The following SGSM2 variants were observed in gnomAD, a reference collection of about 807,000 sequenced individuals.
SGSM2 encodes RUN and TBC1 domain containing 1.
In SGSM2, 89 loss-of-function variants were observed where a neutral mutation model predicts 126.6. The ratio of observed to expected loss-of-function variants is 0.70; its 90% CI spans 0.59 to 0.84. The LOEUF (loss-of-function observed/expected upper bound fraction) is 0.84. Ranked by LOEUF, SGSM2 falls within the 40% of genes least tolerant of loss-of-function variation. The probability of loss-of-function intolerance (pLI) is 0.00; values close to 1 mark genes in which losing one functional copy is unlikely to be tolerated. For synonymous variants in SGSM2, 614 were observed against 574.3 expected, an observed-to-expected ratio of 1.07 and a Z score of -0.99; for missense variants, 1,404 against 1,416.6, an observed-to-expected ratio of 0.99 and a Z score of 0.14.
At chr17:2,343,497 T>A (rs545574101) in intron 1 of SGSM2, 48 bp from the exon 2 acceptor site, 2 of 1,588,032 alleles carry the variant, frequency 1.3e-6, no homozygotes, top group South Asian at 2.2e-5. Context: ...CAGAGGTCTT[T>A]GATAAGGGAA....
rs1238352830 is a variant in SGSM2, at chr17:2,362,975, C to T, written c.527-14C>T. On this transcript the variant is annotated splice_polypyrimidine_tract_variant and intron_variant, in intron 5 of 23. Transcript: ENST00000268989. This position sits in a 1 kb window ranked among gnomAD's most constrained non-coding sequence, Gnocchi z 4.9. ...AGGGAGCATCGTCTGGGCTGGCTGT[C>T]TCTGTCTCCACAGTGGGACCCTGTG... 1.2e-6 allele frequency: 2 copies of T among 1,614,080 alleles called. No individual in the cohort carries two copies. The highest frequency in any genetic ancestry group is 1.1e-5 in the South Asian group (1 of 91,088).
In SGSM2 at chr17:2,362,977, C is replaced by G. The variant is rs780530208; in HGVS notation, c.527-12C>G. 2 of 1,614,096 alleles carry G rather than the reference C, an allele frequency of 1.2e-6. No homozygotes were observed. The highest frequency in any genetic ancestry group is 1.7e-5 in the Admixed American group (1 of 60,032). The stretch of plus-strand genomic sequence containing the variant: ...GGAGCATCGTCTGGGCTGGCTGTCT[C>G]TGTCTCCACAGTGGGACCCTGTGCC... On this transcript the variant is annotated splice_polypyrimidine_tract_variant and intron_variant, in intron 5 of 23. Coordinates refer to ENST00000268989, the MANE Select transcript of SGSM2 (RefSeq NM_014853.3). The surrounding 1 kb of genome is among the most constrained non-coding windows in gnomAD (Gnocchi z 4.9).
At chr17:2,354,354 T>C (rs2065003752) in intron 2 of SGSM2, among the ~76,000 whole-genome samples, 1 of 152,206 alleles carries the variant, frequency 6.6e-6, no homozygotes, top group Non-Finnish European at 1.5e-5. Flanking sequence ...AGCCAAGTTT[T>C]TTATACTAAT....
intron 2 of SGSM2, among the ~76,000 whole-genome samples, chr17:2,347,765 G>A (rs7213791): frequency 0.26 from 39,148 of 151,594 alleles, 5,403 homozygotes; most frequent in Admixed American, 0.36. Flanking sequence ...GCATACCACC[G>A]CCCGAGGTCC....
intron 1 of SGSM2, among the ~76,000 whole-genome samples, chr17:2,342,700 GAGCACAGTGGCTCACGCCTGTAATCCC>G (rs1269922914): frequency 2.6e-5 from 4 of 151,950 alleles, no homozygotes; most frequent in Non-Finnish European, 5.9e-5. Flanking sequence ...AGAAATGACT[GAGCACAGTGGCTCACGCCTGTAATCCC>G]AGCACTTTGG....
At chr17:2,361,220 T>G (rs986664246) in intron 2 of SGSM2, among the ~76,000 whole-genome samples, 6 of 152,234 alleles carry the variant, frequency 3.9e-5, no homozygotes, top group African/African-American at 1.2e-4. Flanking sequence ...TTTTAGCTCC[T>G]GCAGAGCCCT....
At position 2,380,076 on chromosome 17, in the gene SGSM2, G is replaced by A. The variant is rs1219865066; in HGVS notation, c.*556G>A. 3.5e-6 allele frequency: 5 copies of A among 1,409,418 alleles called. No homozygotes were observed. Among genetic ancestry groups the A allele is most frequent in the African/African-American group, 2.9e-5 (2 of 68,522 alleles). The allele number at this position is 1,409,418 out of a possible 1,614,324, so 87.3% of individuals were successfully genotyped here. A position where few individuals can be genotyped will look rare whatever the true frequency, so the allele number is the denominator to read the frequency against. On this transcript the variant is annotated 3_prime_UTR_variant, in exon 24 of 24. Transcript: ENST00000268989. ...GCACGGGAGACCCGGGCCGCCTTCA[G>A]GCCGCTCCCCCGAGATTCTGGGGCA...
At chr17:2,375,957 T>C in intron 18 of SGSM2, 82 bp downstream of exon 18, 1 of 1,511,222 alleles carries the variant, frequency 6.6e-7, no homozygotes. Flanking sequence ...GCTGGTGGGG[T>C]GGAAGGCGGG....
chr17:2,372,684 C>A lies in SGSM2; in HGVS notation c.1788+196C>A. On this transcript the variant is annotated intron_variant, in intron 15 of 23. Coordinates refer to ENST00000268989, the MANE Select transcript of SGSM2 (RefSeq NM_014853.3). This position sits in a 1 kb window ranked among gnomAD's most constrained non-coding sequence, Gnocchi z 6.0. ...AAGGGGGCTGGACTGGGAAGCCGTCCTGCCTCCACATCGCCCTGTGACCCT... is the reference window on the plus strand; with the variant it reads ...AAGGGGGCTGGACTGGGAAGCCGTCATGCCTCCACATCGCCCTGTGACCCT... 1 of 859,930 alleles carries A rather than the reference C, an allele frequency of 1.2e-6. No individual in the cohort carries two copies. The highest frequency in any genetic ancestry group is 1.8e-6 in the Non-Finnish European group (1 of 554,886). The allele number at this position is 859,930 out of a possible 1,614,324, so 53.3% of individuals were successfully genotyped here. A position where few individuals can be genotyped will look rare whatever the true frequency, so the allele number is the denominator to read the frequency against.
At position 2,367,146 on chromosome 17, in the gene SGSM2, C is replaced by A. The variant is rs2065627092; in HGVS notation, c.1289-125C>A. ...AGAGCTTTCTGGTCCCCTCCCTTCC[C>A]CTCTTCTGTGCCCTGCAGATTCACG... On this transcript the variant is annotated intron_variant, in intron 11 of 23. Coordinates refer to ENST00000268989, the MANE Select transcript of SGSM2 (RefSeq NM_014853.3). This position sits in a 1 kb window ranked among gnomAD's most constrained non-coding sequence, Gnocchi z 4.0. 3.5e-6 allele frequency: 4 copies of A among 1,127,094 alleles called. No homozygotes were observed. Among genetic ancestry groups the A allele is most frequent in the African/African-American group, 3.1e-5 (2 of 63,944 alleles). 69.8% of individuals were successfully genotyped at this position (1,127,094 alleles called of 1,614,324 possible).
chr17:2,363,019 T>G lies in SGSM2; in HGVS notation c.557T>G (p.Leu186Arg), dbSNP rs759108023. 1 of 1,613,896 alleles carries G rather than the reference T, an allele frequency of 6.2e-7. No individual in the cohort carries two copies. Among genetic ancestry groups the G allele is most frequent in the South Asian group, 1.1e-5 (1 of 91,082 alleles). Residue 186 changes from leucine to arginine, a missense_variant, in exon 6 of 24, where the codon CTC becomes CGC. By Grantham distance (102) the Leu-to-Arg change is moderately radical. Coordinates refer to ENST00000268989, the MANE Select transcript of SGSM2 (RefSeq NM_014853.3). The surrounding 1 kb of genome is among the most constrained non-coding windows in gnomAD (Gnocchi z 4.2). Reference protein sequence around the residue: ...VGPCALEYTKLKTADHYWTDP... With the variant: ...VGPCALEYTKRKTADHYWTDP... ...CCCTGTGCCTTGGAATACACTAAGCTCAAGACAGCCGATCACTACTGGACT... is the reference window on the plus strand; with the variant it reads ...CCCTGTGCCTTGGAATACACTAAGCGCAAGACAGCCGATCACTACTGGACT...
At chr17:2,361,037 C>T (rs2065286822) in intron 2 of SGSM2, among the ~76,000 whole-genome samples, 1 of 152,236 alleles carries the variant, frequency 6.6e-6, no homozygotes, top group African/African-American at 2.4e-5. Context: ...TTCTTTTCTT[C>T]CTGCAGGGTC....
intron 1 of SGSM2, among the ~76,000 whole-genome samples, chr17:2,343,166 G>A (rs1447481104): frequency 6.6e-6 from 1 of 152,126 alleles, no homozygotes; most frequent in Non-Finnish European, 1.5e-5. Flanking sequence ...GGGGCAGGTT[G>A]TTTATCTGCA....
chr17:2,362,048 C>G lies in SGSM2; in HGVS notation c.297-61C>G. The G allele has an allele frequency of 1.3e-6, 2 of 1,547,210 alleles. No homozygotes were observed. Among genetic ancestry groups the G allele is most frequent in the Non-Finnish European group, 1.7e-6 (2 of 1,150,192 alleles). ...GGGGTACCAAGCCCCACTCCCAATGCCAGCATTCTGGGGTTTACCCCTAGA... is the reference window on the plus strand; with the variant it reads ...GGGGTACCAAGCCCCACTCCCAATGGCAGCATTCTGGGGTTTACCCCTAGA... On this transcript the variant is annotated intron_variant, in intron 3 of 23. Coordinates refer to ENST00000268989, the MANE Select transcript of SGSM2 (RefSeq NM_014853.3). The surrounding 1 kb of genome is among the most constrained non-coding windows in gnomAD (Gnocchi z 4.9).
intron 12 of SGSM2, among the ~76,000 whole-genome samples, chr17:2,369,895 G>A (rs761926194): frequency 3.4e-4 from 52 of 152,122 alleles, no homozygotes; most frequent in Admixed American, 5.2e-4. Flanking sequence ...TCCCAGAGCC[G>A]CAGCCCCTCC....
At chr17:2,364,329 A>C in intron 8 of SGSM2, 146 bp downstream of exon 8, 1 of 1,095,274 alleles carries the variant, frequency 9.1e-7, no homozygotes, top group South Asian at 1.5e-5. Flanking sequence ...GGCTGCCTGG[A>C]GTGATTCCCA....
chr17:2,376,063 T>C (rs1483721331), intron 18 of SGSM2, 74 bp from the exon 19 acceptor site: 3 of 1,600,930 alleles, frequency 1.9e-6, no homozygotes, highest in African/African-American at 2.7e-5. Context: ...CTGCATTTCT[T>C]GGGGCGTCAC....
In SGSM2 at chr17:2,364,138, A is replaced by G. The variant is rs747194282; in HGVS notation, c.887A>G (p.Asn296Ser). 2.5e-6 allele frequency: 4 copies of G among 1,613,900 alleles called. No homozygotes were observed. The highest frequency in any genetic ancestry group is 1.7e-5 in the Admixed American group (1 of 60,004). Residue 296 changes from asparagine to serine, a missense_variant, in exon 8 of 24, where the codon AAC becomes AGC. By Grantham distance (46) the Asn-to-Ser change is conservative. Coordinates refer to ENST00000268989, the MANE Select transcript of SGSM2 (RefSeq NM_014853.3). ...AGCCTGACTCTGAAGTGGACCCCCA[A>G]CCAGCTCATGAATGGGACTCTGGGG... ...AESLTLKWTPNQLMNGTLGDS... is the reference protein window; with the variant it reads ...AESLTLKWTPSQLMNGTLGDS...
At chr17:2,365,180 C>T (rs763832263) in intron 10 of SGSM2, 35 bp from the exon 11 acceptor site, 2 of 1,598,480 alleles carry the variant, frequency 1.3e-6, no homozygotes, top group South Asian at 1.1e-5. Flanking sequence ...AGACTCTGCC[C>T]TATACAGCCC....
Sources: allele counts gnomAD v4.1 joint callset (sites outside exome capture counted in the v4.1 genomes callset), GRCh38; gene constraint gnomAD v4.1.1; non-coding constraint Gnocchi (gnomAD v3.1); transcripts MANE v1.5; gene names NCBI Gene and HGNC (gene_info 2026-07-23, HGNC 2026-07-21).